LIAS: variants seen among roughly 807,000 people sequenced by gnomAD.
LIAS encodes the protein lipoic acid synthetase, also known as lipoyl synthase, mitochondrial.
LIAS carries 36 observed loss-of-function variants against 49.4 expected under a neutral mutation model. The ratio of observed to expected loss-of-function variants is 0.73; its 90% CI spans 0.56 to 0.96. LIAS has a LOEUF of 0.96. Ranked by LOEUF, LIAS falls within the 40% of genes least tolerant of loss-of-function variation. The pLI is 0.00. For missense variants in LIAS, 399 were observed against 456.3 expected (o/e 0.87, Z 1.14); for synonymous variants, 145 against 155.8 (o/e 0.93, Z 0.52).
In LIAS at chr4:39,478,489, GT is replaced by G. The variant is rs1745284758; in HGVS notation, c.*1375del. 6.6e-6 allele frequency: 1 copy of G among 152,200 alleles called. No homozygotes were observed. The highest frequency in any genetic ancestry group is 2.4e-5 in the African/African-American group (1 of 41,444). The allele number at this position is 152,200 out of a possible 1,614,324, so 9.4% of individuals were successfully genotyped here. A position where few individuals can be genotyped will look rare whatever the true frequency, so the allele number is the denominator to read the frequency against. ...ACTGCACTCCAGCCCGGGCAACAGA[GT>G]GAGACTGTCTCAAAAAAAAAGTAAA... On this transcript the variant is annotated 3_prime_UTR_variant, in exon 11 of 11. Transcript: ENST00000640888.
At chr4:39,476,748 G>A (rs1393831725) in intron 10 of LIAS, 2 of 227,818 alleles carry the variant, frequency 8.8e-6, no homozygotes, top group African/African-American at 4.6e-5. Flanking sequence ...ACAGTGATGA[G>A]GGATAGATAG....
intron 7 of LIAS, chr4:39,468,823 G>T (rs1233438928): frequency 6.8e-6 from 1 of 147,656 alleles, no homozygotes; most frequent in Non-Finnish European, 1.5e-5. Flanking sequence ...GCGGTGAGCC[G>T]AGATAGTGCC....
chr4:39,462,323 C>A, intron 3 of LIAS, 34 bp downstream of exon 3: 1 of 1,027,126 alleles, frequency 9.7e-7, no homozygotes, highest in Non-Finnish European at 1.4e-6. Flanking sequence ...TCCCTCTTCA[C>A]CAAAAGCCAT....
At chr4:39,469,851 C>T in intron 7 of LIAS, 168 bp from the exon 8 acceptor site, 2 of 488,796 alleles carry the variant, frequency 4.1e-6, no homozygotes, top group Non-Finnish European at 7.0e-6. Flanking sequence ...CCCAGTGAGG[C>T]CTTTTCTTTC....
chr4:39,465,391 T>C lies in LIAS; in HGVS notation c.608+49T>C, dbSNP rs777844081. The C allele has an allele frequency of 5.3e-6, 8 of 1,513,458 alleles. No homozygotes were observed. The East Asian group carries it at 1.4e-4, about 26-fold the overall frequency. The allele number at this position is 1,513,458 out of a possible 1,614,324, so 93.8% of individuals were successfully genotyped here. On this transcript the variant is annotated intron_variant, in intron 6 of 10. Transcript: ENST00000640888. ...ATTTAAGGACCTTTTTGGACCCATA[T>C]GAGTTAAGTTTAAGTTCATTACCTT...
Position 39,466,561 on chromosome 4 carries a change from AT to A in LIAS, c.609-956del, listed in dbSNP as rs1486371636. ...TAGGGAGATGCTGTCTCTACAAAAA[AT>A]AAATTAAAAAAAAAAAATAGCTGGA... On this transcript the variant is annotated intron_variant, in intron 6 of 10. Transcript: ENST00000640888. 3.3e-5 allele frequency: 5 copies of A among 151,942 alleles called. No homozygotes were observed. In the East Asian group the frequency reaches 9.6e-4, roughly 29 times the overall value. The allele number at this position is 151,942 out of a possible 1,614,324, so 9.4% of individuals were successfully genotyped here.
In LIAS at chr4:39,478,299, T is replaced by G; in HGVS notation, c.*1184T>G. On this transcript the variant is annotated 3_prime_UTR_variant, in exon 11 of 11. Coordinates refer to ENST00000640888, the MANE Select transcript of LIAS (RefSeq NM_006859.4). ...TGGGCAGATCACCTGAGGTCGGGAGTTTGAGAACAGCCTGGCCAACCTGGT... is the reference window on the plus strand; with the variant it reads ...TGGGCAGATCACCTGAGGTCGGGAGGTTGAGAACAGCCTGGCCAACCTGGT... The G allele has an allele frequency of 6.6e-6, 1 of 151,706 alleles. No homozygotes were observed. The highest frequency in any genetic ancestry group is 2.4e-5 in the African/African-American group (1 of 41,246). The allele number at this position is 151,706 out of a possible 1,614,324, so 9.4% of individuals were successfully genotyped here.
At position 39,477,139 on chromosome 4, in the gene LIAS, C is replaced by T. The variant is rs1347463684; in HGVS notation, c.*24C>T. On this transcript the variant is annotated 3_prime_UTR_variant, in exon 11 of 11. Coordinates refer to ENST00000640888, the MANE Select transcript of LIAS (RefSeq NM_006859.4). ...AAAACTTCAACAAGACCTTCAAGAT[C>T]ACAGAAATTTTTAAAATTTGATTCC... 2 of 1,576,092 alleles carry T rather than the reference C, an allele frequency of 1.3e-6. No homozygotes were observed. The highest frequency in any genetic ancestry group is 8.6e-7 in the Non-Finnish European group (1 of 1,157,536).
At chr4:39,472,793 C>G (rs1234218798) in intron 9 of LIAS, among the ~76,000 whole-genome samples, 1 of 152,066 alleles carries the variant, frequency 6.6e-6, no homozygotes, top group Non-Finnish European at 1.5e-5. Context: ...TAGCTGTTAA[C>G]GAAGGAAAAA....
intron 7 of LIAS, 92 bp downstream of exon 7, chr4:39,467,738 A>G: frequency 8.0e-7 from 1 of 1,243,158 alleles, no homozygotes; most frequent in Non-Finnish European, 1.1e-6. Context: ...TTTGCCATTG[A>G]CTTTTACAAA....
Position 39,470,213 on chromosome 4 carries a change from A to C in LIAS, c.883+49A>C, listed in dbSNP as rs199836477. On this transcript the variant is annotated intron_variant, in intron 8 of 10. Coordinates refer to ENST00000640888, the MANE Select transcript of LIAS (RefSeq NM_006859.4). ...ATCTTTCCCATGTAATTTGAGTAAT[A>C]GCAGGAACCCACTCACTTTGAAGGC... is the stretch of plus-strand genomic sequence containing the variant. 91 of 1,518,282 alleles carry C rather than the reference A, an allele frequency of 6.0e-5. No homozygotes were observed. In the African/African-American group the frequency reaches 1.2e-3, roughly 20 times the overall value. 94.1% of individuals were successfully genotyped at this position (1,518,282 alleles called of 1,614,324 possible). A position where few individuals can be genotyped will look rare whatever the true frequency, so the allele number is the denominator to read the frequency against.
At chr4:39,466,420 GTT>G (rs1744756958) in intron 6 of LIAS, 1 of 152,090 alleles carries the variant, frequency 6.6e-6, no homozygotes, top group South Asian at 2.1e-4. Context: ...TCAGCTTTCA[GTT>G]TAAAAAAGCA....
chr4:39,476,980 A>C (rs1745215314), intron 10 of LIAS, 83 bp from the exon 11 acceptor site: 1 of 934,298 alleles, frequency 1.1e-6, no homozygotes, highest in Non-Finnish European at 1.6e-6. Context: ...AAGGGGGAAC[A>C]CCAAAAATAT....
At position 39,459,175 on chromosome 4, in the gene LIAS, G is replaced by A; in HGVS notation, c.45+13G>A. ...CCTGGGGCCCCGGGTGAGCGGCGGG[G>A]CGAACGGGTTTGGGCGTGGGGTGGG... On this transcript the variant is annotated intron_variant, in intron 1 of 10. Coordinates refer to ENST00000640888, the MANE Select transcript of LIAS (RefSeq NM_006859.4). The A allele has an allele frequency of 1.9e-6, 3 of 1,611,602 alleles. No homozygotes were observed. The highest frequency in any genetic ancestry group is 2.2e-5 in the South Asian group (2 of 91,054).
Position 39,465,332 on chromosome 4 carries a change from T to G in LIAS, c.598T>G (p.Leu200Val), listed in dbSNP as rs749898791. 5.0e-6 allele frequency: 8 copies of G among 1,609,618 alleles called. No homozygotes were observed. The highest frequency in any genetic ancestry group is 6.8e-6 in the Non-Finnish European group (8 of 1,179,042). ...AEHIAKTVSY[L>V]KERNPKILVE... ...ACACATTGCAAAGACCGTATCATAT[T>G]TAAAGGAAAGGTACTTATTTTTGCA... Residue 200 changes from leucine (L) to valine (V), a missense_variant, in exon 6 of 11, where the codon TTA (leucine) becomes GTA (valine). Physicochemically the swap from Leu to Val is conservative, Grantham distance 32. This residue lies in a region of LIAS where 234 missense variants were observed against 292.2 expected (regional missense o/e 0.80). Transcript: ENST00000640888.
intron 3 of LIAS, 33 bp from the exon 4 acceptor site, chr4:39,463,492 A>T: frequency 6.4e-7 from 1 of 1,567,866 alleles, no homozygotes; most frequent in Non-Finnish European, 8.7e-7. Context: ...GATATTGTCA[A>T]CCTAATGGTG....
In LIAS at chr4:39,467,568, T is replaced by C. The variant is rs1305210612; in HGVS notation, c.659T>C (p.Leu220Pro). Residue 220 changes from leucine to proline, a missense_variant, in exon 7 of 11, where the codon CTC becomes CCC. Coordinates refer to ENST00000640888, the MANE Select transcript of LIAS (RefSeq NM_006859.4). ...ECLTPDFRGD[L>P]KAIEKVALSG... Reference sequence around the variant, plus strand: ...CTTACTCCTGATTTTCGAGGTGATCTCAAAGCAATAGAAAAAGTTGCTCTG... The same window carrying C: ...CTTACTCCTGATTTTCGAGGTGATCCCAAAGCAATAGAAAAAGTTGCTCTG... 6.2e-7 allele frequency: 1 copy of C among 1,608,278 alleles called. No individual in the cohort carries two copies. Among genetic ancestry groups the C allele is most frequent in the Admixed American group, 1.7e-5 (1 of 58,856 alleles).
intron 1 of LIAS, among the ~76,000 whole-genome samples, chr4:39,460,533 CAAAAAAAA>C (rs3836577): frequency 1.0e-5 from 1 of 98,238 alleles, no homozygotes; most frequent in African/African-American, 4.0e-5. Flanking sequence ...GACTCCGTCT[CAAAAAAAA>C]AAAAAAAAAA....
At position 39,479,223 on chromosome 4, in the gene LIAS, G is replaced by A. The variant is rs10030706; in HGVS notation, c.*2108G>A. On this transcript the variant is annotated 3_prime_UTR_variant, in exon 11 of 11. Coordinates refer to ENST00000640888, the MANE Select transcript of LIAS (RefSeq NM_006859.4). Reference sequence around the variant, plus strand: ...CGTGTCTCAAAAAAAATTTTTTTAAGTAATGCATGGGCCGGGCATGGTGGC... The same window carrying A: ...CGTGTCTCAAAAAAAATTTTTTTAAATAATGCATGGGCCGGGCATGGTGGC... 0.17 allele frequency: 25,258 copies of A among 151,314 alleles called. 2,390 individuals are homozygous for A. Among genetic ancestry groups the A allele is most frequent in the African/African-American group, 0.25 (10,345 of 41,232 alleles). 9.4% of individuals were successfully genotyped at this position (151,314 alleles called of 1,614,324 possible).
Sources: allele counts gnomAD v4.1 joint callset (sites outside exome capture counted in the v4.1 genomes callset), GRCh38; gene constraint gnomAD v4.1.1; regional missense constraint gnomAD v4.1.1; transcripts MANE v1.5; gene names NCBI Gene and HGNC (gene_info 2026-07-23, HGNC 2026-07-21).